MS4A6A: variants seen among roughly 807,000 people sequenced by gnomAD.
MS4A6A encodes membrane spanning 4-domains A6A.
MS4A6A carries 19 observed loss-of-function variants against 20.6 expected under a neutral mutation model. The ratio of observed to expected loss-of-function variants is 0.92; its 90% CI spans 0.64 to 1.36. The LOEUF (loss-of-function observed/expected upper bound fraction) is 1.36. Ranked by LOEUF, MS4A6A falls within the 40% of genes most tolerant of loss-of-function variation. The pLI, the probability that MS4A6A is intolerant of heterozygous loss-of-function variation, is 0.00. For missense variants in MS4A6A, 272 were observed against 261.1 expected, an observed-to-expected ratio of 1.04 and a Z score of -0.29; for synonymous variants, 108 against 105.0, an observed-to-expected ratio of 1.03 and a Z score of -0.17.
downstream of MS4A6A, chr11:60,172,041 T>C (rs935766109): frequency 1.1e-5 from 10 of 949,826 alleles, no homozygotes; most frequent in South Asian, 9.3e-5. Flanking sequence ...TTTTTTTTAA[T>C]GTTCATTACT....
chr11:60,183,960 A>C (rs632185), upstream of MS4A6A: 1 of 152,002 alleles, frequency 6.6e-6, no homozygotes, highest in Non-Finnish European at 1.5e-5. Context: ...GCTGACTTCA[A>C]TGTATCAGGC....
rs1360578855 is a variant in MS4A6A, at chr11:60,180,165, C to T, written c.148-200G>A. On this transcript the variant is annotated intron_variant, in intron 2 of 5. Transcript: ENST00000528851. ...AGCTCTGCCACAGAAGCCACAGTCT[C>T]AGGTGTCTGGCAGGTGCTCAGGAAG... The T allele has an allele frequency of 5.0e-6, 3 of 603,106 alleles. No individual in the cohort carries two copies. The African/African-American group carries it at 5.6e-5, about 11-fold the overall frequency. 37.4% of individuals were successfully genotyped at this position (603,106 alleles called of 1,614,324 possible). A position where few individuals can be genotyped will look rare whatever the true frequency, so the allele number is the denominator to read the frequency against.
At chr11:60,176,033 A>G (rs557089901) in intron 4 of MS4A6A, among the ~76,000 whole-genome samples, 1 of 152,312 alleles carries the variant, frequency 6.6e-6, no homozygotes, top group Admixed American at 6.5e-5. Flanking sequence ...GAAAAGATAG[A>G]TCATGTATTA....
chr11:60,183,342 G>A, upstream of MS4A6A: 1 of 621,464 alleles, frequency 1.6e-6, no homozygotes, highest in East Asian at 2.9e-5. Flanking sequence ...CTGTTAAATA[G>A]AGGAGCAATA....
In MS4A6A at chr11:60,179,923, T is replaced by C. The variant is rs1384137664; in HGVS notation, c.190A>G (p.Ile64Val). The change falls in exon 3 of 6, where the codon ATC (isoleucine) becomes GTC (valine). Residue 64 changes from isoleucine (I) to valine (V), a missense_variant. Ile to Val is a conservative substitution (Grantham distance 29, BLOSUM62 3). Coordinates refer to ENST00000528851, the MANE Select transcript of MS4A6A (RefSeq NM_022349.4). ...GAGAAGGAAGCAGATGCCAAAATGA[T>C]CCCCAAGCTCAATACCATCATGCCA... ...LCGMMVLSLG[I>V]ILASASFSPN... The C allele has an allele frequency of 3.7e-6, 6 of 1,613,944 alleles. No individual in the cohort carries two copies. The African/African-American group carries it at 6.7e-5, about 18-fold the overall frequency.
chr11:60,172,515 T>G lies in MS4A6A; in HGVS notation c.*486A>C. 8.5e-7 allele frequency: 1 copy of G among 1,181,478 alleles called. No homozygotes were observed. 73.2% of individuals were successfully genotyped at this position (1,181,478 alleles called of 1,614,324 possible). A position where few individuals can be genotyped will look rare whatever the true frequency, so the allele number is the denominator to read the frequency against. ...ATAGGGGTTTGATTCAACAATACAT[T>G]TTTAATATAGCTTTAAAAAGGCAAA... On this transcript the variant is annotated 3_prime_UTR_variant, in exon 6 of 6. Transcript: ENST00000528851.
intron 2 of MS4A6A, chr11:60,180,247 C>G: frequency 2.3e-6 from 1 of 442,764 alleles, no homozygotes; most frequent in Admixed American, 3.9e-5. Flanking sequence ...GCTTCCAGCT[C>G]ACAGCAAGTG....
At position 60,178,375 on chromosome 11, in the gene MS4A6A, A is replaced by G. The variant is rs961100804; in HGVS notation, c.283-59T>C. 6.5e-6 allele frequency: 9 copies of G among 1,376,556 alleles called. No individual in the cohort carries two copies. In the Admixed American group the frequency reaches 7.0e-5, roughly 11 times the overall value. 85.3% of individuals were successfully genotyped at this position (1,376,556 alleles called of 1,614,324 possible). On this transcript the variant is annotated intron_variant, in intron 3 of 5. Coordinates refer to ENST00000528851, the MANE Select transcript of MS4A6A (RefSeq NM_022349.4). Reference sequence around the variant, plus strand: ...CCATGTACAGAGTACCTTCGACGTCACTATCACAATGTTTATAGACAACTC... The same window carrying G: ...CCATGTACAGAGTACCTTCGACGTCGCTATCACAATGTTTATAGACAACTC...
In MS4A6A at chr11:60,175,475, C is replaced by G; in HGVS notation, c.476G>C (p.Arg159Thr). Residue 159 changes from arginine to threonine, a missense_variant, in exon 5 of 6, where the codon AGA becomes ACA. By Grantham distance (71) the Arg-to-Thr change is moderately conservative. Coordinates refer to ENST00000528851, the MANE Select transcript of MS4A6A (RefSeq NM_022349.4). ...ATGATAAAAGTAAGAAACATAACTT[C>G]TTGTTGGTATATTATTTTTGTCCAA... ...CELDKNNIPTRSYVSYFYHDS... is the reference protein window; with the variant it reads ...CELDKNNIPTTSYVSYFYHDS... The G allele has an allele frequency of 6.2e-7, 1 of 1,614,166 alleles. No homozygotes were observed. The highest frequency in any genetic ancestry group is 8.5e-7 in the Non-Finnish European group (1 of 1,180,004).
chr11:60,178,386 G>T, intron 3 of MS4A6A, 70 bp from the exon 4 acceptor site: 1 of 1,244,566 alleles, frequency 8.0e-7, no homozygotes, highest in Non-Finnish European at 1.2e-6. Flanking sequence ...CTATCACAAT[G>T]TTTATAGACA....
At chr11:60,174,839 A>G (rs1315701808) in intron 5 of MS4A6A, among the ~76,000 whole-genome samples, 1 of 151,968 alleles carries the variant, frequency 6.6e-6, no homozygotes, top group African/African-American at 2.4e-5. Flanking sequence ...CACTTCTTTC[A>G]GCTATAACAA....
downstream of MS4A6A, chr11:60,172,295 G>T: frequency 6.2e-7 from 1 of 1,603,292 alleles, no homozygotes; most frequent in South Asian, 1.1e-5. Context: ...ACTTCAATCA[G>T]GTTCAAGATA....
chr11:60,174,766 G>T (rs1856750877), intron 5 of MS4A6A, among the ~76,000 whole-genome samples: 1 of 151,986 alleles, frequency 6.6e-6, no homozygotes, highest in African/African-American at 2.4e-5. Context: ...GAATTCTCCT[G>T]CAATCATTCT....
intron 2 of MS4A6A, chr11:60,180,846 A>C (rs1857099912): frequency 3.1e-6 from 1 of 323,938 alleles, no homozygotes; most frequent in African/African-American, 2.2e-5. Flanking sequence ...TCACAGCTCT[A>C]TTATCATTTA....
Position 60,179,909 on chromosome 11 carries a change from A to C in MS4A6A, c.204T>G (p.Ser68=). 6.2e-7 allele frequency: 1 copy of C among 1,614,162 alleles called. No homozygotes were observed. Among genetic ancestry groups the C allele is most frequent in the South Asian group, 1.1e-5 (1 of 91,082 alleles). Residue 68 remains serine (S), a synonymous_variant, in exon 3 of 6, where the codon TCT becomes TCG. Transcript: ENST00000528851. ...GGGTAAAATTTGGAGAGAAGGAAGC[A>C]GATGCCAAAATGATCCCCAAGCTCA... ...MVLSLGIILA[S]ASFSPNFTQV...
intron 5 of MS4A6A, among the ~76,000 whole-genome samples, chr11:60,173,454 C>G (rs1253337943): frequency 6.6e-6 from 1 of 152,228 alleles, no homozygotes; most frequent in African/African-American, 2.4e-5. Context: ...CGTAATAACT[C>G]CCAGGACTGA....
upstream of MS4A6A, chr11:60,183,255 T>C (rs1478750307): frequency 1.5e-6 from 2 of 1,355,054 alleles, no homozygotes; most frequent in Non-Finnish European, 2.0e-6. Flanking sequence ...TGGAGCCTTA[T>C]GTGTGAATTG....
At chr11:60,183,505 C>CATA (rs1357086115), upstream of MS4A6A, among the ~76,000 whole-genome samples, 3 of 151,892 alleles carry the variant, frequency 2.0e-5, no homozygotes, top group Non-Finnish European at 4.4e-5. Flanking sequence ...TATAACTAAC[C>CATA]ATAATAATAA....
intron 3 of MS4A6A, among the ~76,000 whole-genome samples, chr11:60,179,064 G>C (rs1328592144): frequency 1.3e-5 from 2 of 152,156 alleles, no homozygotes; most frequent in Non-Finnish European, 2.9e-5. Context: ...CCAAATCCAA[G>C]TGTAACTTTA....
Sources: gnomAD v4.1 joint callset for allele counts (sites outside exome capture counted in the v4.1 genomes callset) on GRCh38, gnomAD v4.1.1 for gene constraint, MANE v1.5 for transcripts, NCBI Gene and HGNC (gene_info 2026-07-23, HGNC 2026-07-21) for gene names.